CADPS: variants seen among roughly 807,000 people sequenced by gnomAD.
CADPS encodes calcium-dependent secretion activator 1.
CADPS carries 57 observed loss-of-function variants against 167.3 expected under a neutral mutation model. The observed-to-expected ratio is 0.34, with a 90% CI of 0.28 to 0.42. The LOEUF is 0.42. CADPS is among the 20% of genes least tolerant of loss of function. The probability of loss-of-function intolerance (pLI) is 1.00; values close to 1 mark genes in which losing one functional copy is unlikely to be tolerated. For missense variants in CADPS, 1,414 were observed against 1,738.1 expected (o/e 0.81, Z 3.32); for synonymous variants, 676 against 635.3 (o/e 1.06, Z -0.96).
At chr3:62,809,094 C>T (rs141919165) in intron 1 of CADPS, among the ~76,000 whole-genome samples, 1 of 152,314 alleles carries the variant, frequency 6.6e-6, no homozygotes, top group Non-Finnish European at 1.5e-5. Context: ...TACCTCTGTA[C>T]ATCTGCACTG....
intron 24 of CADPS, among the ~76,000 whole-genome samples, chr3:62,469,301 C>T (rs1303792481): frequency 6.6e-6 from 1 of 152,140 alleles, no homozygotes. Context: ...AGTGAGTACT[C>T]TGCTTTCACT....
chr3:62,817,447 C>A (rs1286085774), intron 1 of CADPS, among the ~76,000 whole-genome samples: 1 of 152,106 alleles, frequency 6.6e-6, no homozygotes, highest in African/African-American at 2.4e-5. Context: ...TTAATTAAGG[C>A]AGCAGGGCTC....
rs569753145 is a variant in CADPS, at chr3:62,629,422, T to C, written c.1325+16300A>G. The stretch of plus-strand genomic sequence containing the variant: ...CTCTGCATAATTTTTTGGAGGCTTA[T>C]CAATGTTGGAGCATGTATGAGGACT... On this transcript the variant is annotated intron_variant, in intron 6 of 29. Coordinates refer to ENST00000383710, the MANE Select transcript of CADPS (RefSeq NM_003716.4). Among the ~76,000 whole-genome samples, 5 of 152,366 alleles carry C rather than the reference T, an allele frequency of 3.3e-5. No individual in the cohort carries two copies. The East Asian group carries it at 9.6e-4, about 29-fold the overall frequency.
rs1002678469 is a variant in CADPS, at chr3:62,446,895, C to T, written c.3637-1098G>A. Among the ~76,000 whole-genome samples, 2 of 152,160 alleles carry T rather than the reference C, an allele frequency of 1.3e-5. No individual in the cohort carries two copies. The highest frequency in any genetic ancestry group is 4.8e-5 in the African/African-American group (2 of 41,434). On this transcript the variant is annotated intron_variant, in intron 26 of 29. Coordinates refer to ENST00000383710, the MANE Select transcript of CADPS (RefSeq NM_003716.4). This position sits in a 1 kb window ranked among gnomAD's most constrained non-coding sequence, Gnocchi z 4.9. ...TACAAAGACTGCAATGCACAAAAAG[C>T]AGTTAGGATGTCTTTTCACATCTCA... is the stretch of plus-strand genomic sequence containing the variant.
At chr3:62,521,206 G>A (rs1051465154) in intron 13 of CADPS, among the ~76,000 whole-genome samples, 1 of 152,146 alleles carries the variant, frequency 6.6e-6, no homozygotes, top group Non-Finnish European at 1.5e-5. Context: ...CACACTCTAA[G>A]TGCCACTGTT....
rs1405484556 is a variant in CADPS at position 62,544,896 on chromosome 3, T to A, written c.1966+5007A>T. The A allele has an allele frequency of 5.8e-6, 7 of 1,214,164 alleles. No homozygotes were observed. The highest frequency in any genetic ancestry group is 7.4e-6 in the Non-Finnish European group (7 of 950,526). The allele number at this position is 1,214,164 out of a possible 1,614,324, so 75.2% of individuals were successfully genotyped here. ...CAGGGTAAGAAGGAACAAACCAGAATAACATAAAGACTAGCAACAAGGCTC... is the reference window on the plus strand; with the variant it reads ...CAGGGTAAGAAGGAACAAACCAGAAAAACATAAAGACTAGCAACAAGGCTC... On this transcript the variant is annotated intron_variant, in intron 11 of 29. Coordinates refer to ENST00000383710, the MANE Select transcript of CADPS (RefSeq NM_003716.4). The surrounding 1 kb of genome is among the most constrained non-coding windows in gnomAD (Gnocchi z 4.4).
chr3:62,476,763 T>C (rs1241773186), intron 23 of CADPS, among the ~76,000 whole-genome samples: 3 of 152,162 alleles, frequency 2.0e-5, no homozygotes, highest in Admixed American at 6.5e-5. Context: ...TCTGTACAAT[T>C]ATGTGCACAG....
At chr3:62,435,461 C>A (rs1384874305) in intron 28 of CADPS, among the ~76,000 whole-genome samples, 4 of 152,142 alleles carry the variant, frequency 2.6e-5, no homozygotes, top group Non-Finnish European at 5.9e-5. Context: ...ATTACTAAGG[C>A]TGCATGGTAA....
At chr3:62,743,047 G>A (rs1237192508) in intron 3 of CADPS, among the ~76,000 whole-genome samples, 3 of 152,144 alleles carry the variant, frequency 2.0e-5, no homozygotes, top group Admixed American at 6.6e-5. Context: ...GATCATTACA[G>A]AAATGGAAAT....
intron 10 of CADPS, among the ~76,000 whole-genome samples, chr3:62,554,135 T>C (rs2077740219): frequency 1.3e-5 from 2 of 152,252 alleles, no homozygotes. Flanking sequence ...TCTGGATTAA[T>C]ATTCTTTTAT....
chr3:62,596,701 T>C (rs988664446), intron 6 of CADPS, among the ~76,000 whole-genome samples: 1 of 152,216 alleles, frequency 6.6e-6, no homozygotes, highest in South Asian at 2.1e-4. Context: ...AGTCCCCTTA[T>C]CTTGCTGTAC....
At chr3:62,520,845 T>A (rs1021583061) in intron 13 of CADPS, among the ~76,000 whole-genome samples, 1 of 152,226 alleles carries the variant, frequency 6.6e-6, no homozygotes, top group Non-Finnish European at 1.5e-5. Context: ...CCTTTTTTGT[T>A]TGATTTCACT....
chr3:62,426,715 T>C (rs2052768355), intron 28 of CADPS, among the ~76,000 whole-genome samples: 2 of 152,176 alleles, frequency 1.3e-5, no homozygotes, highest in African/African-American at 4.8e-5. Flanking sequence ...TAGAAATGTC[T>C]GACTGCAAAG....
chr3:62,483,682 A>C (rs1261034271), intron 21 of CADPS, among the ~76,000 whole-genome samples: 1 of 152,174 alleles, frequency 6.6e-6, no homozygotes, highest in Non-Finnish European at 1.5e-5. Context: ...TGACTATTAA[A>C]CAGAAGGGAA....
chr3:62,427,772 A>G (rs1185090707), intron 28 of CADPS, among the ~76,000 whole-genome samples: 1 of 152,184 alleles, frequency 6.6e-6, no homozygotes, highest in African/African-American at 2.4e-5. Context: ...AGGGAGTGAT[A>G]TTTCTCTTCC....
rs541914551 is a variant in CADPS, at chr3:62,592,489, C to T, written c.1437+148G>A. On this transcript the variant is annotated intron_variant, in intron 7 of 29. Transcript: ENST00000383710. ...GTTGAGGAACTTGCTTAAGGTCACCCAGCCAATGTAGAGTGGAGTCCAGGA... is the reference window on the plus strand; with the variant it reads ...GTTGAGGAACTTGCTTAAGGTCACCTAGCCAATGTAGAGTGGAGTCCAGGA... The T allele has an allele frequency of 6.6e-6, 4 of 606,498 alleles. No individual in the cohort carries two copies. The East Asian group carries it at 8.2e-5, about 12-fold the overall frequency. The allele number at this position is 606,498 out of a possible 1,614,324, so 37.6% of individuals were successfully genotyped here. A position where few individuals can be genotyped will look rare whatever the true frequency, so the allele number is the denominator to read the frequency against.
chr3:62,461,883 T>C (rs990229075), intron 26 of CADPS, among the ~76,000 whole-genome samples: 1 of 152,254 alleles, frequency 6.6e-6, no homozygotes, highest in Non-Finnish European at 1.5e-5. Flanking sequence ...GAACACACCT[T>C]TCTAGCTCGT....
chr3:62,751,716 T>C (rs990407322), intron 3 of CADPS, among the ~76,000 whole-genome samples: 21 of 152,200 alleles, frequency 1.4e-4, no homozygotes, highest in African/African-American at 3.9e-4. Context: ...CCACCGTGCC[T>C]GGCCTATCTT....
intron 28 of CADPS, among the ~76,000 whole-genome samples, chr3:62,423,848 A>G (rs2052009209): frequency 3.9e-5 from 6 of 152,244 alleles, no homozygotes; most frequent in Admixed American, 3.9e-4. Flanking sequence ...TAAAAGAAAT[A>G]ACACATTTAA....
Sources: allele counts gnomAD v4.1 joint callset (sites outside exome capture counted in the v4.1 genomes callset), GRCh38; gene constraint gnomAD v4.1.1; non-coding constraint Gnocchi (gnomAD v3.1); transcripts MANE v1.5; gene names NCBI Gene and HGNC (gene_info 2026-07-23, HGNC 2026-07-21).